The following VDAC2 variants were observed in gnomAD, a reference collection of about 807,000 sequenced individuals.
The protein encoded by VDAC2 is non-selective voltage-gated ion channel VDAC2.
In VDAC2, 6 loss-of-function variants were observed where a neutral mutation model predicts 36.6. The ratio of observed to expected loss-of-function variants is 0.16; its 90% CI spans 0.09 to 0.32. VDAC2 has a LOEUF of 0.32. Among genes scored for constraint, VDAC2 ranks in the 10% least tolerant of loss-of-function variants. The pLI, the probability that VDAC2 is intolerant of heterozygous loss-of-function variation, is 1.00. For synonymous variants in VDAC2, 109 were observed against 123.8 expected (o/e 0.88, Z 0.79); for missense variants, 247 against 346.0 (o/e 0.71, Z 2.27).
chr10:75,211,132 A>AGATTCCCCTCTTCCCGCT lies in VDAC2; in HGVS notation c.-10_-9insTGATTCCCCTCTTCCCGC, dbSNP rs1430093307. 1.2e-6 allele frequency: 2 copies of AGATTCCCCTCTTCCCGCT among 1,608,762 alleles called. No individual in the cohort carries two copies. Among genetic ancestry groups the AGATTCCCCTCTTCCCGCT allele is most frequent in the East Asian group, 2.3e-5 (1 of 44,430 alleles). On this transcript the variant is annotated splice_acceptor_variant, in intron 1 of 9. Coordinates refer to ENST00000332211, the MANE Select transcript of VDAC2 (RefSeq NM_001391963.1). LOFTEE classifies it low-confidence loss of function (5UTR_SPLICE). Reference sequence around the variant, plus strand: ...TTACCGCACTTCTTGTCCCTCCCGCAGATTCCCCTCTTCCCGCGGCCTCGC... The same window carrying AGATTCCCCTCTTCCCGCT: ...TTACCGCACTTCTTGTCCCTCCCGCAGATTCCCCTCTTCCCGCTGATTCCCCTCTTCCCGCGGCCTCGC...
intron 4 of VDAC2, among the ~76,000 whole-genome samples, chr10:75,215,255 T>A (rs765571587): frequency 6.6e-6 from 1 of 151,812 alleles, no homozygotes; most frequent in South Asian, 2.1e-4. Flanking sequence ...CTTAAAAAAT[T>A]TTTGTTTTGA....
intron 4 of VDAC2, chr10:75,218,218 G>A (rs1023263722): frequency 4.2e-6 from 1 of 235,612 alleles, no homozygotes; most frequent in South Asian, 4.3e-5. Context: ...TGCAGTGGTG[G>A]GATTATGGCT....
At chr10:75,211,058 C>T in intron 1 of VDAC2, 76 bp from the exon 2 acceptor site, 4 of 1,383,598 alleles carry the variant, frequency 2.9e-6, no homozygotes, top group Non-Finnish European at 3.9e-6. Flanking sequence ...GCCCCGCGGC[C>T]CCTCGCCCCT....
chr10:75,223,788 A>G (rs1841885710), intron 8 of VDAC2, among the ~76,000 whole-genome samples: 1 of 152,122 alleles, frequency 6.6e-6, no homozygotes, highest in African/African-American at 2.4e-5. Flanking sequence ...GAGGGGCTGT[A>G]GGTTTAATTG....
chr10:75,216,635 CTGGCCCAACTCTGGTCCCACAGGG>C (rs1841613920), intron 4 of VDAC2, among the ~76,000 whole-genome samples: 1 of 152,154 alleles, frequency 6.6e-6, no homozygotes. Context: ...GAGCTGTAAT[CTGGCCCAACTCTGGTCCCACAGGG>C]TGGTGTTGGC....
rs193075654 is a variant in VDAC2 at position 75,230,672 on chromosome 10, T to C, written c.794-226T>C. On this transcript the variant is annotated intron_variant, in intron 9 of 9. Transcript: ENST00000332211. ...ATTCTAGAACACTTTGAAGTTGTTA[T>C]TAAAACATTTCTCTGTGACTTGGTG... is the stretch of plus-strand genomic sequence containing the variant. Among the ~76,000 whole-genome samples, 94 of 152,360 alleles carry C rather than the reference T, an allele frequency of 6.2e-4. 1 individual carries two copies. Among genetic ancestry groups the C allele is most frequent in the African/African-American group, 2.2e-3 (92 of 41,578 alleles).
intron 4 of VDAC2, among the ~76,000 whole-genome samples, chr10:75,214,360 A>G (rs1273901852): frequency 6.6e-6 from 1 of 152,200 alleles, no homozygotes; most frequent in African/African-American, 2.4e-5. Flanking sequence ...CCATTATTAG[A>G]CTTTTTTGTA....
At chr10:75,217,265 A>C (rs920774403) in intron 4 of VDAC2, among the ~76,000 whole-genome samples, 2 of 152,160 alleles carry the variant, frequency 1.3e-5, no homozygotes, top group South Asian at 2.1e-4. Context: ...TCCAAAAAAA[A>C]CCGCAAAATG....
chr10:75,214,826 A>T (rs1212481847), intron 4 of VDAC2, among the ~76,000 whole-genome samples: 1 of 144,838 alleles, frequency 6.9e-6, no homozygotes, highest in African/African-American at 2.6e-5. Context: ...TGCCCAGCCA[A>T]GAATATTTTT....
intron 3 of VDAC2, 74 bp from the exon 4 acceptor site, chr10:75,213,947 G>T: frequency 2.1e-6 from 3 of 1,440,986 alleles, no homozygotes; most frequent in African/African-American, 1.4e-5. Context: ...TGTTTTTTAT[G>T]TATAGTCAAC....
chr10:75,223,248 G>C (rs1368630040), intron 8 of VDAC2, among the ~76,000 whole-genome samples: 1 of 152,152 alleles, frequency 6.6e-6, no homozygotes, highest in East Asian at 1.9e-4. Context: ...AAAGTGCTGG[G>C]ATTACAGGCA....
intron 8 of VDAC2, among the ~76,000 whole-genome samples, chr10:75,222,741 T>TG (rs148914224): frequency 0.022 from 3,367 of 152,248 alleles, 136 homozygotes; most frequent in African/African-American, 0.077. Flanking sequence ...GGCTCTCTGT[T>TG]GTCGAGGCTG....
intron 7 of VDAC2, 103 bp from the exon 8 acceptor site, chr10:75,222,149 T>G: frequency 2.9e-5 from 37 of 1,269,452 alleles, no homozygotes; most frequent in Non-Finnish European, 3.7e-5. Flanking sequence ...AAGACCCACT[T>G]GAGCTGTGGT....
In VDAC2 at chr10:75,231,177, C is replaced by G; in HGVS notation, c.*188C>G. ...TGGTTTCTAGTTGGTTATCTAGTTA[C>G]CAATGCTGCAGTCCTGCAGTCACCT... On this transcript the variant is annotated 3_prime_UTR_variant, in exon 10 of 10. Transcript: ENST00000332211. 1.3e-5 allele frequency: 7 copies of G among 556,828 alleles called. No individual in the cohort carries two copies. 34.5% of individuals were successfully genotyped at this position (556,828 alleles called of 1,614,324 possible).
At chr10:75,210,393 G>C (rs548566858), upstream of VDAC2, among the ~76,000 whole-genome samples, 2 of 152,314 alleles carry the variant, frequency 1.3e-5, no homozygotes, top group East Asian at 1.9e-4. Context: ...CTTTGTTTCG[G>C]GGGGGAACCC....
At chr10:75,221,080 A>G in intron 7 of VDAC2, 110 bp downstream of exon 7, 2 of 1,156,074 alleles carry the variant, frequency 1.7e-6, no homozygotes, top group East Asian at 4.9e-5. Flanking sequence ...ATAACATTTA[A>G]AAACAAAATC....
At chr10:75,218,887 T>G (rs1256476064) in intron 4 of VDAC2, among the ~76,000 whole-genome samples, 176 bp from the exon 5 acceptor site, 1 of 152,188 alleles carries the variant, frequency 6.6e-6, no homozygotes, top group African/African-American at 2.4e-5. Flanking sequence ...TTTGTCACTC[T>G]TATATATGCT....
At chr10:75,217,643 G>T (rs1841647670) in intron 4 of VDAC2, among the ~76,000 whole-genome samples, 1 of 152,130 alleles carries the variant, frequency 6.6e-6, no homozygotes, top group African/African-American at 2.4e-5. Flanking sequence ...CTCCTGAAGT[G>T]CTGGGATTAC....
intron 4 of VDAC2, 56 bp downstream of exon 4, chr10:75,214,126 A>C: frequency 6.4e-7 from 1 of 1,563,146 alleles, no homozygotes; most frequent in South Asian, 1.1e-5. Context: ...TCAACTTGTA[A>C]AATGGTCATA....
Sources: allele counts gnomAD v4.1 joint callset (sites outside exome capture counted in the v4.1 genomes callset), GRCh38; gene constraint gnomAD v4.1.1; transcripts MANE v1.5; gene names NCBI Gene and HGNC (gene_info 2026-07-23, HGNC 2026-07-21).